Variants in SGCZ observed in about 807,000 individuals in gnomAD.
SGCZ encodes sarcoglycan zeta.
A neutral mutation model predicts 41.3 loss-of-function variants in SGCZ; 40 were observed. The observed-to-expected ratio is 0.97, with a 90% CI of 0.75 to 1.26. SGCZ has a LOEUF of 1.26. Among genes scored for constraint, SGCZ ranks in the 50% most tolerant of loss-of-function variants. The probability of loss-of-function intolerance (pLI) is 0.00; values close to 1 mark genes in which losing one functional copy is unlikely to be tolerated. For synonymous variants in SGCZ, 206 were observed against 137.5 expected (o/e 1.50, Z -3.49); for missense variants, 552 against 369.8 (o/e 1.49, Z -4.04).
At chr8:14,153,220 C>G (rs886661610) in intron 5 of SGCZ, among the ~76,000 whole-genome samples, 11 of 152,180 alleles carry the variant, frequency 7.2e-5, no homozygotes, top group African/African-American at 2.7e-4. Flanking sequence ...TGTATGTACA[C>G]TGATAACTGT....
At chr8:14,478,876 A>C (rs1337647635) in intron 2 of SGCZ, among the ~76,000 whole-genome samples, 2 of 152,112 alleles carry the variant, frequency 1.3e-5, no homozygotes, top group African/African-American at 4.8e-5. Flanking sequence ...TCTGGCAAGA[A>C]CTTCAAAATC....
intron 1 of SGCZ, among the ~76,000 whole-genome samples, chr8:14,994,618 A>G (rs979608256): frequency 1.3e-5 from 2 of 151,672 alleles, no homozygotes; most frequent in African/African-American, 2.4e-5. Flanking sequence ...AAGGGTAACC[A>G]TGAGGGATGG....
At chr8:14,107,419 T>C (rs572191572) in intron 6 of SGCZ, among the ~76,000 whole-genome samples, 32 of 152,160 alleles carry the variant, frequency 2.1e-4, no homozygotes, top group Admixed American at 9.2e-4. Flanking sequence ...TGTCAGGACA[T>C]AGCTTATTCC....
chr8:14,769,342 AT>A (rs375625364), intron 1 of SGCZ, among the ~76,000 whole-genome samples: 1 of 152,218 alleles, frequency 6.6e-6, no homozygotes, highest in African/African-American at 2.4e-5. Context: ...TGGGGGAAAA[AT>A]TTGTTCATAA....
intron 1 of SGCZ, among the ~76,000 whole-genome samples, chr8:14,670,728 T>C (rs1326991810): frequency 6.6e-6 from 1 of 152,172 alleles, no homozygotes; most frequent in Non-Finnish European, 1.5e-5. Flanking sequence ...TTGACTCATT[T>C]ATTTTCAGTA....
At chr8:14,927,221 G>C (rs969165496) in intron 1 of SGCZ, among the ~76,000 whole-genome samples, 1 of 147,564 alleles carries the variant, frequency 6.8e-6, no homozygotes, top group Non-Finnish European at 1.5e-5. Context: ...CCATTCTCCT[G>C]CCTCACCCTC....
intron 3 of SGCZ, among the ~76,000 whole-genome samples, chr8:14,315,189 C>T (rs919300433): frequency 4.6e-5 from 7 of 152,136 alleles, no homozygotes; most frequent in Non-Finnish European, 7.4e-5. Flanking sequence ...TCCAGTGAGT[C>T]ATCTGCAAAA....
At chr8:14,274,176 C>A (rs1800154067) in intron 3 of SGCZ, among the ~76,000 whole-genome samples, 1 of 151,828 alleles carries the variant, frequency 6.6e-6, no homozygotes, top group Non-Finnish European at 1.5e-5. Flanking sequence ...GTTGTTTTTG[C>A]TTTTTCAAAC....
At chr8:15,055,426 T>C (rs12056421) in intron 1 of SGCZ, among the ~76,000 whole-genome samples, 13,633 of 152,110 alleles carry the variant, frequency 0.09, 1,032 homozygotes, top group African/African-American at 0.2. Context: ...AGATGGAAAA[T>C]ATCTAGGTCC....
chr8:14,667,485 C>A (rs940860117), intron 1 of SGCZ, among the ~76,000 whole-genome samples: 5 of 152,158 alleles, frequency 3.3e-5, no homozygotes, highest in Admixed American at 1.3e-4. Context: ...AAATTAACTT[C>A]CAGAGAAATG....
rs185651383 is a variant in SGCZ, at chr8:14,135,324, A to G, written c.548-27089T>C. ...TCTTCCTTTCTTCTTGTTTATAATT[A>G]TCTTCTTTCTTTAAAGGGGCTGATG... On this transcript the variant is annotated intron_variant, in intron 5 of 7. Transcript: ENST00000382080. Among the ~76,000 whole-genome samples, 5 of 152,290 alleles carry G rather than the reference A, an allele frequency of 3.3e-5. No individual in the cohort carries two copies. In the East Asian group the frequency reaches 7.7e-4, roughly 23 times the overall value.
intron 5 of SGCZ, among the ~76,000 whole-genome samples, chr8:14,121,997 G>A (rs1036440746): frequency 6.6e-6 from 1 of 152,144 alleles, no homozygotes; most frequent in Non-Finnish European, 1.5e-5. Context: ...ACTTTAAGGA[G>A]GCCGGGTGCT....
intron 1 of SGCZ, among the ~76,000 whole-genome samples, chr8:14,705,361 G>C (rs1462106697): frequency 6.6e-6 from 1 of 151,910 alleles, no homozygotes; most frequent in East Asian, 1.9e-4. Context: ...TTTTCTGTAT[G>C]ATACATGGAC....
chr8:15,046,308 A>T (rs112513597), intron 1 of SGCZ, among the ~76,000 whole-genome samples: 6,296 of 152,188 alleles, frequency 0.041, 150 homozygotes, highest in Non-Finnish European at 0.056. Context: ...AAATATTTGT[A>T]TTAGCTAAAA....
At chr8:14,153,722 C>A (rs1239975103) in intron 5 of SGCZ, among the ~76,000 whole-genome samples, 1 of 152,056 alleles carries the variant, frequency 6.6e-6, no homozygotes, top group African/African-American at 2.4e-5. Flanking sequence ...ATTGATGTGT[C>A]TAGAATCTCA....
intron 1 of SGCZ, among the ~76,000 whole-genome samples, chr8:14,760,316 T>C (rs923874219): frequency 6.6e-6 from 1 of 152,188 alleles, no homozygotes; most frequent in Non-Finnish European, 1.5e-5. Flanking sequence ...AAATAATTCA[T>C]GGATGCTATC....
intron 2 of SGCZ, among the ~76,000 whole-genome samples, chr8:14,368,543 A>G (rs1307994080): frequency 1.3e-5 from 2 of 152,212 alleles, no homozygotes; most frequent in South Asian, 2.1e-4. Context: ...TTATTTCTTT[A>G]GTACACTCTT....
intron 2 of SGCZ, among the ~76,000 whole-genome samples, chr8:14,360,300 T>C (rs1046442759): frequency 1.3e-5 from 2 of 152,132 alleles, no homozygotes; most frequent in Non-Finnish European, 2.9e-5. Context: ...GGCATCCAAA[T>C]TGGAAACCAA....
At chr8:15,157,377 C>T (rs564077699) in intron 1 of SGCZ, among the ~76,000 whole-genome samples, 2 of 151,846 alleles carry the variant, frequency 1.3e-5, no homozygotes, top group South Asian at 4.2e-4. Flanking sequence ...GCAGATTACG[C>T]CACTGTACTC....
Sources: gnomAD v4.1 joint callset for allele counts (sites outside exome capture counted in the v4.1 genomes callset) on GRCh38, gnomAD v4.1.1 for gene constraint, MANE v1.5 for transcripts, NCBI Gene and HGNC (gene_info 2026-07-23, HGNC 2026-07-21) for gene names.